RGPD4: variants seen among roughly 807,000 people sequenced by gnomAD.
The protein encoded by RGPD4 is RANBP2 like and GRIP domain containing 4, also known as ranBP2-like and GRIP domain-containing protein 4.
A neutral mutation model predicts 141.1 loss-of-function variants in RGPD4; 84 were observed. The ratio of observed to expected loss-of-function variants is 0.60; its 90% CI spans 0.50 to 0.71. The LOEUF is 0.71. RGPD4 is among the 30% of genes least tolerant of loss of function. RGPD4 has a pLI of 0.00. For missense variants in RGPD4, 918 were observed against 1,622.4 expected (o/e 0.57, Z 7.46); for synonymous variants, 298 against 566.8 (o/e 0.53, Z 6.74).
At chr2:107,857,231 G>A (rs548335872) in intron 9 of RGPD4, among the ~76,000 whole-genome samples, 8 of 151,200 alleles carry the variant, frequency 5.3e-5, no homozygotes, top group East Asian at 1.9e-4. Context: ...TCTGCCTCCC[G>A]GGTTCAAGTG....
chr2:107,887,108 G>A (rs1474831992), intron 22 of RGPD4, among the ~76,000 whole-genome samples: 2 of 149,874 alleles, frequency 1.3e-5, no homozygotes, highest in African/African-American at 4.9e-5. Flanking sequence ...CAGTTCTGGT[G>A]GCATGTGCCC....
intron 20 of RGPD4, among the ~76,000 whole-genome samples, chr2:107,878,438 A>G (rs1683156557): frequency 6.6e-6 from 1 of 150,960 alleles, no homozygotes; most frequent in African/African-American, 2.4e-5. Flanking sequence ...GCCAGCACAT[A>G]CACACAGTCT....
chr2:107,827,080 C>A lies in RGPD4; in HGVS notation c.67C>A (p.Arg23=), dbSNP rs757972961. The A allele has an allele frequency of 4.4e-6, 7 of 1,589,756 alleles. 1 individual carries two copies. The African/African-American group carries it at 8.1e-5, about 18-fold the overall frequency. The part of the protein sequence containing the change: ...ASVQGSAPSP[R]KKSTRGFYFA... ...CGTGCAGGGCTCCGCCCCGTCGCCT[C>A]GAAAGGTGAGTGGATCTCGAAGAGA... The change falls in exon 1 of 23, where the codon CGA becomes AGA. Residue 23 remains arginine (R), a synonymous_variant. Coordinates refer to ENST00000408999, the MANE Select transcript of RGPD4 (RefSeq NM_182588.3).
At chr2:107,846,370 G>T (rs1233202857) in intron 6 of RGPD4, among the ~76,000 whole-genome samples, 1 of 151,750 alleles carries the variant, frequency 6.6e-6, no homozygotes, top group Non-Finnish European at 1.5e-5. Context: ...CCGGCCGTAT[G>T]TGGGTTATTT....
At chr2:107,884,858 G>T (rs1050542475) in intron 22 of RGPD4, among the ~76,000 whole-genome samples, 3 of 152,102 alleles carry the variant, frequency 2.0e-5, no homozygotes, top group Non-Finnish European at 4.4e-5. Context: ...GCAATTTGTT[G>T]CTGATACTTC....
Position 107,882,086 on chromosome 2 carries a change from T to G in RGPD4, c.5065-586T>G, listed in dbSNP as rs2556235. Among the ~76,000 whole-genome samples, 372 of 151,988 alleles carry G rather than the reference T, an allele frequency of 2.4e-3. 9 individuals carry two copies. Among genetic ancestry groups the G allele is most frequent in the South Asian group, 8.9e-3 (43 of 4,820 alleles). ...TGGTACCAACCCATGGCTCCAGTTA[T>G]TTGCTCCTCATGGAGACGTTCCATC... On this transcript the variant is annotated intron_variant, in intron 21 of 22. Coordinates refer to ENST00000408999, the MANE Select transcript of RGPD4 (RefSeq NM_182588.3).
At chr2:107,878,300 T>G (rs1404124797) in intron 20 of RGPD4, among the ~76,000 whole-genome samples, 14 of 151,480 alleles carry the variant, frequency 9.2e-5, no homozygotes, top group African/African-American at 3.4e-4. Flanking sequence ...AGGCCCAGTT[T>G]CCTCTCAACA....
At chr2:107,846,094 T>C (rs922740670) in intron 6 of RGPD4, among the ~76,000 whole-genome samples, 6 of 132,742 alleles carry the variant, frequency 4.5e-5, no homozygotes, top group Non-Finnish European at 6.3e-5. Context: ...ACCCAGCTAA[T>C]TTTTTGTATT....
chr2:107,880,304 C>T (rs1403949985), intron 21 of RGPD4, among the ~76,000 whole-genome samples, 197 bp downstream of exon 21: 4 of 96,068 alleles, frequency 4.2e-5, no homozygotes, highest in African/African-American at 8.7e-5. Context: ...TGCTTTGTCA[C>T]GCAGGCTGGA....
chr2:107,829,894 T>C (rs1355403749), intron 1 of RGPD4, among the ~76,000 whole-genome samples: 1 of 151,910 alleles, frequency 6.6e-6, no homozygotes, highest in East Asian at 1.9e-4. Context: ...GACATTTACT[T>C]TATATGCTGC....
chr2:107,831,606 C>G (rs1219183826), intron 1 of RGPD4, among the ~76,000 whole-genome samples: 2 of 99,546 alleles, frequency 2.0e-5, no homozygotes, highest in South Asian at 4.0e-4. Context: ...GACGGAGTCT[C>G]GCTCTATCGT....
intron 1 of RGPD4, among the ~76,000 whole-genome samples, chr2:107,829,693 C>T (rs1023649591): frequency 3.2e-4 from 49 of 152,266 alleles, no homozygotes; most frequent in Non-Finnish European, 5.6e-4. Flanking sequence ...GGGGGGACCG[C>T]GGCGGGCGGG....
At chr2:107,884,891 A>C (rs1178424681) in intron 22 of RGPD4, among the ~76,000 whole-genome samples, 1 of 151,972 alleles carries the variant, frequency 6.6e-6, no homozygotes, top group Non-Finnish European at 1.5e-5. Flanking sequence ...CATACCTTGA[A>C]AACCCCTGGT....
intron 22 of RGPD4, among the ~76,000 whole-genome samples, chr2:107,886,191 A>G (rs1298273299): frequency 3.5e-5 from 5 of 142,030 alleles, no homozygotes; most frequent in Non-Finnish European, 6.1e-5. Context: ...AGGAGAGACA[A>G]GAATACAGCA....
At chr2:107,888,302 A>G (rs566361069) in intron 22 of RGPD4, among the ~76,000 whole-genome samples, 4,260 of 134,088 alleles carry the variant, frequency 0.032, 198 homozygotes, top group African/African-American at 0.12. Context: ...ATCTGAGAAC[A>G]CAGCAAAATT....
rs1450517617 is a variant in RGPD4 at position 107,872,091 on chromosome 2, G to A, written c.4087G>A (p.Glu1363Lys). 14 of 1,611,460 alleles carry A rather than the reference G, an allele frequency of 8.7e-6. No homozygotes were observed. Among genetic ancestry groups the A allele is most frequent in the East Asian group, 6.7e-5 (3 of 44,884 alleles). ...NEKVVFSHRA[E>K]LYRYDKDVGQ... ...AAAAGTTGTTTTTAGTCACAGGGCA[G>A]AACTCTACAGATATGATAAAGATGT... Residue 1363 changes from glutamate to lysine, a missense_variant, in exon 20 of 23, where the codon GAA (glutamate) becomes AAA (lysine). Physicochemically the swap from Glu to Lys is moderately conservative, Grantham distance 56 (BLOSUM62 1). Coordinates refer to ENST00000408999, the MANE Select transcript of RGPD4 (RefSeq NM_182588.3).
At chr2:107,827,131 GCGGAGGC>G (rs1301283025) in intron 1 of RGPD4, 46 bp downstream of exon 1, 12 of 584,192 alleles carry the variant, frequency 2.1e-5, no homozygotes, top group Non-Finnish European at 2.3e-5. Context: ...TGGCCGGGCG[GCGGAGGC>G]CTCGACCTGG....
In RGPD4 at chr2:107,827,420, C is replaced by CGGGCGG. The variant is rs1681250224; in HGVS notation, c.72+335_72+336insGGGCGG. Among the ~76,000 whole-genome samples, 27 of 61,814 alleles carry CGGGCGG rather than the reference C, an allele frequency of 4.4e-4. 12 individuals are homozygous for CGGGCGG. The highest frequency in any genetic ancestry group is 6.5e-4 in the African/African-American group (8 of 12,312). 40.6% of individuals were successfully genotyped at this position (61,814 alleles called of 152,430 possible). ...GTTGAGGCGGCGGCCTCGACCCGGC[C>CGGGCGG]CGGCCGCGGCCGCGATGGCTCAGGC... On this transcript the variant is annotated intron_variant, in intron 1 of 22. Transcript: ENST00000408999.
chr2:107,877,972 C>G (rs1014910375), intron 20 of RGPD4, among the ~76,000 whole-genome samples: 3 of 151,354 alleles, frequency 2.0e-5, no homozygotes, highest in Admixed American at 6.6e-5. Context: ...GCCACCGTGC[C>G]TGGCTAATTT....
Sources: gnomAD v4.1 joint callset for allele counts (sites outside exome capture counted in the v4.1 genomes callset) on GRCh38, gnomAD v4.1.1 for gene constraint, MANE v1.5 for transcripts, NCBI Gene and HGNC (gene_info 2026-07-23, HGNC 2026-07-21) for gene names.